Variants in ACAP3 observed in about 807,000 individuals in gnomAD.
ACAP3 encodes ArfGAP with coiled-coil, ankyrin repeat and PH domains 3.
ACAP3 carries 56 observed loss-of-function variants against 104.1 expected under a neutral mutation model. That is an observed-to-expected ratio of 0.54 (90% CI 0.43 to 0.67). The LOEUF (loss-of-function observed/expected upper bound fraction) is 0.67. Ranked by LOEUF, ACAP3 falls within the 30% of genes least tolerant of loss-of-function variation. The pLI, the probability that ACAP3 is intolerant of heterozygous loss-of-function variation, is 0.00. For missense variants in ACAP3, 1,208 were observed against 1,174.9 expected (o/e 1.03, Z -0.41); for synonymous variants, 628 against 496.2 (o/e 1.27, Z -3.53).
chr1:1,307,195 C>T lies in ACAP3; in HGVS notation c.47+574G>A, dbSNP rs375086183. 1.8e-4 allele frequency: 228 copies of T among 1,287,348 alleles called. No homozygotes were observed. The African/African-American group carries it at 3.1e-3, about 17-fold the overall frequency. 79.7% of individuals were successfully genotyped at this position (1,287,348 alleles called of 1,614,324 possible). A position where few individuals can be genotyped will look rare whatever the true frequency, so the allele number is the denominator to read the frequency against. ...GTTCACGCAGGTGTACACGCCTGCACGCCACGAATGATGGAAAACATGCAG... is the reference window on the plus strand; with the variant it reads ...GTTCACGCAGGTGTACACGCCTGCATGCCACGAATGATGGAAAACATGCAG... On this transcript the variant is annotated intron_variant, in intron 1 of 23. Transcript: ENST00000354700.
At chr1:1,299,592 G>A (rs1641354647) in intron 9 of ACAP3, 1 of 706,756 alleles carries the variant, frequency 1.4e-6, no homozygotes, top group Admixed American at 3.1e-5. Flanking sequence ...AGGAGCCAGT[G>A]ACTGAGGCCA....
chr1:1,305,048 C>T (rs1641631117), intron 1 of ACAP3: 1 of 152,362 alleles, frequency 6.6e-6, no homozygotes, highest in African/African-American at 2.4e-5. Flanking sequence ...CCATCAGGGC[C>T]TACAGTCCCT....
At chr1:1,306,288 G>A (rs1641690718) in intron 1 of ACAP3, among the ~76,000 whole-genome samples, 1 of 152,164 alleles carries the variant, frequency 6.6e-6, no homozygotes, top group Non-Finnish European at 1.5e-5. Context: ...GGGCAGTACA[G>A]GGCCGTCTGC....
At position 1,302,020 on chromosome 1, in the gene ACAP3, G is replaced by T. The variant is rs748208137; in HGVS notation, c.306C>A (p.Ser102=). 6.4e-7 allele frequency: 1 copy of T among 1,570,390 alleles called. No homozygotes were observed. Among genetic ancestry groups the T allele is most frequent in the Non-Finnish European group, 8.7e-7 (1 of 1,155,920 alleles). Residue 102 remains serine (S), a synonymous_variant, in exon 5 of 24, where the codon TCC becomes TCA. Coordinates refer to ENST00000354700, the MANE Select transcript of ACAP3 (RefSeq NM_030649.3). ...HMILFDQAQR[S]VRQQLQSFVK... is the part of the protein sequence containing the mutation. The stretch of plus-strand genomic sequence containing the variant: ...CAAAGCTCTGGAGCTGCTGCCGCAC[G>T]GACCTCTGGGCCTGGTCAAACAGGA...
chr1:1,299,728 G>T, intron 9 of ACAP3, 103 bp downstream of exon 9: 1 of 1,327,598 alleles, frequency 7.5e-7, no homozygotes, highest in Non-Finnish European at 1.0e-6. Flanking sequence ...GCAGGTGGGA[G>T]ACAGGCAGGA....
intron 1 of ACAP3, 51 bp downstream of exon 1, chr1:1,307,718 G>A (rs1425239446): frequency 2.8e-6 from 3 of 1,081,466 alleles, no homozygotes; most frequent in African/African-American, 3.4e-5. Context: ...GCACAAAGGC[G>A]ACAGCGACGC....
intron 21 of ACAP3, 80 bp downstream of exon 21, chr1:1,294,322 G>C: frequency 6.6e-7 from 1 of 1,518,674 alleles, no homozygotes; most frequent in East Asian, 2.5e-5. Context: ...GCGGACAGGC[G>C]ACCCTTGTGT....
At position 1,296,457 on chromosome 1, in the gene ACAP3, C is replaced by G; in HGVS notation, c.1305G>C (p.Val435=). ...TGCCGGAGCACTCAATGCAGAGCAG[C>G]ACGCCCAGGTTGATGCTGGCCCAGC... ...DPRWASINLG[V]LLCIECSGIH... is the part of the protein sequence containing the mutation. The change falls in exon 15 of 24, where the codon GTG becomes GTC. Residue 435 remains valine, a synonymous_variant. Transcript: ENST00000354700. The G allele has an allele frequency of 1.3e-6, 2 of 1,546,664 alleles. No homozygotes were observed. The highest frequency in any genetic ancestry group is 4.9e-5 in the East Asian group (2 of 40,954).
In ACAP3 at chr1:1,299,821, G is replaced by A. The variant is rs781324025; in HGVS notation, c.738+10C>T. On this transcript the variant is annotated intron_variant, in intron 9 of 23. Coordinates refer to ENST00000354700, the MANE Select transcript of ACAP3 (RefSeq NM_030649.3). Reference sequence around the variant, plus strand: ...GCCTGGTGTGCAGGGAGCCGGCTGCGCGGCCTCACCCGCTGCTGGATGGCG... The same window carrying A: ...GCCTGGTGTGCAGGGAGCCGGCTGCACGGCCTCACCCGCTGCTGGATGGCG... 34 of 1,542,202 alleles carry A rather than the reference G, an allele frequency of 2.2e-5. No homozygotes were observed. The highest frequency in any genetic ancestry group is 2.2e-4 in the Middle Eastern group (1 of 4,634).
rs1447838431 is a variant in ACAP3 at position 1,293,497 on chromosome 1, G to A, written c.*67C>T. On this transcript the variant is annotated 3_prime_UTR_variant, in exon 24 of 24. Transcript: ENST00000354700. The stretch of plus-strand genomic sequence containing the variant: ...CACGCAGGGCCGCGGCCGGGTGGGC[G>A]CCAGGGACTTCGGGGCATGCGGGGC... 8.9e-6 allele frequency: 12 copies of A among 1,352,232 alleles called. No homozygotes were observed. The highest frequency in any genetic ancestry group is 4.1e-5 in the Admixed American group (1 of 24,532). 83.8% of individuals were successfully genotyped at this position (1,352,232 alleles called of 1,614,324 possible). A position where few individuals can be genotyped will look rare whatever the true frequency, so the allele number is the denominator to read the frequency against.
intron 1 of ACAP3, among the ~76,000 whole-genome samples, chr1:1,306,687 C>T (rs1385605754): frequency 2.0e-5 from 3 of 152,222 alleles, no homozygotes; most frequent in Non-Finnish European, 2.9e-5. Context: ...CATACACAAT[C>T]AAGCACACAT....
intron 1 of ACAP3, chr1:1,304,788 G>A (rs564668547): frequency 6.5e-6 from 1 of 153,014 alleles, no homozygotes; most frequent in African/African-American, 2.4e-5. Context: ...GGGGAGAGAA[G>A]AGTTAAGGCA....
intron 4 of ACAP3, 92 bp downstream of exon 4, chr1:1,302,830 C>T: frequency 1.8e-6 from 1 of 553,340 alleles, no homozygotes; most frequent in Admixed American, 2.7e-5. Flanking sequence ...AGAAACGTGC[C>T]CCCCCCAACC....
chr1:1,294,732 C>T lies in ACAP3; in HGVS notation c.1898G>A (p.Ser633Asn), dbSNP rs768965821. 4 of 1,549,766 alleles carry T rather than the reference C, an allele frequency of 2.6e-6. No individual in the cohort carries two copies. Among genetic ancestry groups the T allele is most frequent in the African/African-American group, 2.7e-5 (2 of 73,134 alleles). Reference sequence around the variant, plus strand: ...ACGCCACCCACCCTCCTCAGTGACGCTGTCCACCACAGAGCCCGAGCCGAA... The same window carrying T: ...ACGCCACCCACCCTCCTCAGTGACGTTGTCCACCACAGAGCCCGAGCCGAA... Reference protein sequence around the residue: ...LAFGSGSVVDSVTEEEGAESE... With the variant: ...LAFGSGSVVDNVTEEEGAESE... Residue 633 changes from serine (S) to asparagine (N), a missense_variant, in exon 20 of 24, where the codon AGC becomes AAC. Ser to Asn is a conservative substitution (Grantham distance 46). Transcript: ENST00000354700.
rs1358759899 is a variant in ACAP3 at position 1,300,078 on chromosome 1, C to T, written c.568-10G>A. 1.9e-6 allele frequency: 3 copies of T among 1,611,852 alleles called. No homozygotes were observed. The highest frequency in any genetic ancestry group is 1.3e-5 in the African/African-American group (1 of 74,932). ...GCATGAAGGACAGCATCTGCGGGGG[C>T]AGCACAGGTGAGGCCCAAGCACACC... is the stretch of plus-strand genomic sequence containing the variant. On this transcript the variant is annotated splice_polypyrimidine_tract_variant and intron_variant, in intron 7 of 23. Transcript: ENST00000354700.
chr1:1,307,354 G>A, intron 1 of ACAP3: 1 of 1,289,866 alleles, frequency 7.8e-7, no homozygotes, highest in Non-Finnish European at 1.0e-6. Context: ...CTTAAACGCG[G>A]CTCCAGCTGC....
At chr1:1,295,991 G>A (rs866954634) in intron 17 of ACAP3, 24 bp downstream of exon 17, 2 of 1,612,744 alleles carry the variant, frequency 1.2e-6, no homozygotes, top group East Asian at 2.2e-5. Context: ...CTCCCTGACT[G>A]ATCCAGACTG....
chr1:1,301,195 C>T (rs998052243), intron 5 of ACAP3, among the ~76,000 whole-genome samples: 1 of 151,686 alleles, frequency 6.6e-6, no homozygotes, highest in African/African-American at 2.4e-5. Flanking sequence ...CTCGGCCTCC[C>T]AAGTAGCTGA....
chr1:1,306,478 G>T (rs1267869031), intron 1 of ACAP3, among the ~76,000 whole-genome samples: 2 of 152,186 alleles, frequency 1.3e-5, no homozygotes, highest in Non-Finnish European at 2.9e-5. Context: ...AGCAACAGAA[G>T]ATGGGAGAGC....
Sources: allele counts gnomAD v4.1 joint callset (sites outside exome capture counted in the v4.1 genomes callset), GRCh38; gene constraint gnomAD v4.1.1; transcripts MANE v1.5; gene names NCBI Gene and HGNC (gene_info 2026-07-23, HGNC 2026-07-21).